SAMD11: variants seen among roughly 807,000 people sequenced by gnomAD.
The protein encoded by SAMD11 is sterile alpha motif domain-containing protein 11.
A neutral mutation model predicts 64.4 loss-of-function variants in SAMD11; 77 were observed. The ratio of observed to expected loss-of-function variants is 1.20; its 90% CI spans 0.99 to 1.44. The LOEUF is 1.44. SAMD11 is among the 40% of genes most tolerant of loss of function. SAMD11 has a pLI of 0.00. For missense variants in SAMD11, 1,402 were observed against 943.3 expected (o/e 1.49, Z -6.37); for synonymous variants, 658 against 421.9 (o/e 1.56, Z -6.86).
intron 9 of SAMD11, 31 bp downstream of exon 9, chr1:942,282 C>G: frequency 9.6e-7 from 1 of 1,047,038 alleles, no homozygotes; most frequent in Non-Finnish European, 1.3e-6. Context: ...CCCCTGGGAG[C>G]CCGCGTGGAG....
At chr1:931,005 G>A (rs1641141559) in intron 3 of SAMD11, 34 bp from the exon 4 acceptor site, 1 of 1,608,612 alleles carries the variant, frequency 6.2e-7, no homozygotes, top group Non-Finnish European at 8.5e-7. Flanking sequence ...GGGGCCTCCA[G>A]AGCAACATGG....
At chr1:940,022 T>G (rs1207724366) in intron 7 of SAMD11, among the ~76,000 whole-genome samples, 1 of 152,020 alleles carries the variant, frequency 6.6e-6, no homozygotes, top group Non-Finnish European at 1.5e-5. Flanking sequence ...GCACTCAGCC[T>G]CCCAGGCCCC....
chr1:938,247 C>T (rs1331051172), intron 5 of SAMD11, among the ~76,000 whole-genome samples: 46 of 150,992 alleles, frequency 3.0e-4, no homozygotes, highest in Admixed American at 3.0e-3. Context: ...CTCCCCTCTG[C>T]CACCTGCTGG....
intron 13 of SAMD11, 48 bp from the exon 14 acceptor site, chr1:943,860 A>G (rs1641982557): frequency 1.2e-6 from 2 of 1,612,820 alleles, no homozygotes; most frequent in African/African-American, 2.7e-5. Context: ...CTGGGCAGAA[A>G]GCTCTGGGTG....
In SAMD11 at chr1:924,174, T is replaced by A. The variant is rs1640780918; in HGVS notation, c.-258T>A. The A allele has an allele frequency of 6.7e-6, 1 of 149,358 alleles. No individual in the cohort carries two copies. Among genetic ancestry groups the A allele is most frequent in the Admixed American group, 6.6e-5 (1 of 15,072 alleles). 9.3% of individuals were successfully genotyped at this position (149,358 alleles called of 1,614,324 possible). Reference sequence around the variant, plus strand: ...CCGGGGAGCCCCGAGGCCCTGGAACTGCGGCGCTCGGCGAGTCGATCCGGG... The same window carrying A: ...CCGGGGAGCCCCGAGGCCCTGGAACAGCGGCGCTCGGCGAGTCGATCCGGG... On this transcript the variant is annotated 5_prime_UTR_variant, in exon 1 of 14. Transcript: ENST00000616016.
chr1:928,672 C>T (rs1641024817), intron 2 of SAMD11, among the ~76,000 whole-genome samples: 1 of 152,254 alleles, frequency 6.6e-6, no homozygotes, highest in Non-Finnish European at 1.5e-5. Context: ...CAGGCCCCAC[C>T]CCTTGCCCAG....
In SAMD11 at chr1:944,297, G is replaced by C; in HGVS notation, c.*144G>C. 1 of 1,399,238 alleles carries C rather than the reference G, an allele frequency of 7.1e-7. No homozygotes were observed. 86.7% of individuals were successfully genotyped at this position (1,399,238 alleles called of 1,614,324 possible). On this transcript the variant is annotated 3_prime_UTR_variant, in exon 14 of 14. Coordinates refer to ENST00000616016, the MANE Select transcript of SAMD11 (RefSeq NM_001385641.1). ...AAGAAAATGTGACTTCAAAGGAAAGGAACAAATTTTCAAAGACTTGGGGGA... is the reference window on the plus strand; with the variant it reads ...AAGAAAATGTGACTTCAAAGGAAAGCAACAAATTTTCAAAGACTTGGGGGA...
rs2100360212 is a variant in SAMD11 at position 942,790 on chromosome 1, C to A, written c.1785C>A (p.Pro595=). ...CCCGGGACTCTGCCCGGCGAGCCCC[C>A]CGGAAGGGGGGTCCCGGCCCTGCCT... The part of the protein sequence containing the change: ...TPSRDSARRA[P]RKGGPGPASA... The change falls in exon 11 of 14, where the codon CCC becomes CCA. Residue 595 remains proline (P), a synonymous_variant. Transcript: ENST00000616016. 1 of 1,542,056 alleles carries A rather than the reference C, an allele frequency of 6.5e-7. No homozygotes were observed. Among genetic ancestry groups the A allele is most frequent in the Non-Finnish European group, 8.7e-7 (1 of 1,144,404 alleles).
At chr1:927,938 C>T (rs1158997629) in intron 2 of SAMD11, among the ~76,000 whole-genome samples, 1 of 152,272 alleles carries the variant, frequency 6.6e-6, no homozygotes, top group Non-Finnish European at 1.5e-5. Context: ...CCACGCCCGA[C>T]TCTGCGCATC....
chr1:943,972 C>A lies in SAMD11; in HGVS notation c.2354C>A (p.Pro785Gln). The A allele has an allele frequency of 6.2e-7, 1 of 1,612,808 alleles. No homozygotes were observed. The change falls in exon 14 of 14, where the codon CCA becomes CAA. Residue 785 changes from proline (P) to glutamine (Q), a missense_variant. By Grantham distance (76) the Pro-to-Gln change is moderately conservative. Coordinates refer to ENST00000616016, the MANE Select transcript of SAMD11 (RefSeq NM_001385641.1). ...TTCCCCGTGGCTCTGCCACTGCAGC[C>A]ACCAACCCTGCGGGCCCCGGAGCGA... ...ASFPVALPLQ[P>Q]PTLRAPEREL...
At chr1:943,857 G>A (rs1364096991) in intron 13 of SAMD11, 49 bp downstream of exon 13, 2 of 1,613,044 alleles carry the variant, frequency 1.2e-6, no homozygotes, top group East Asian at 2.2e-5. Context: ...CAGCTGGGCA[G>A]AAAGCTCTGG....
At chr1:935,217 C>T (rs1217569151) in intron 4 of SAMD11, among the ~76,000 whole-genome samples, 1 of 152,154 alleles carries the variant, frequency 6.6e-6, no homozygotes, top group African/African-American at 2.4e-5. Flanking sequence ...GAGGTTGGAG[C>T]ACGCAGCCCT....
At position 943,926 on chromosome 1, in the gene SAMD11, C is replaced by T. The variant is rs1372398647; in HGVS notation, c.2308C>T (p.Arg770Ter). 1.2e-6 allele frequency: 2 copies of T among 1,612,564 alleles called. No homozygotes were observed. The highest frequency in any genetic ancestry group is 1.1e-5 in the South Asian group (1 of 91,078). ...IRAQVARRLG[R>*]VFYVASFPVA... ...TCTGCAGGTGGCCAGGCGCCTGGGC[C>T]GAGTTTTCTACGTGGCCAGCTTCCC... The change falls in exon 14 of 14, where the codon CGA becomes TGA. Residue 770 changes from arginine (R) to a stop codon, truncating the protein, a stop_gained. Coordinates refer to ENST00000616016, the MANE Select transcript of SAMD11 (RefSeq NM_001385641.1). LOFTEE classifies it low-confidence loss of function (END_TRUNC).
Position 943,815 on chromosome 1 carries a change from C to G in SAMD11, c.2289+7C>G. 1 of 1,612,858 alleles carries G rather than the reference C, an allele frequency of 6.2e-7. No individual in the cohort carries two copies. The highest frequency in any genetic ancestry group is 8.5e-7 in the Non-Finnish European group (1 of 1,179,960). ...CCTCAAGATCCGGGCCCAGGTGAGA[C>G]GCTGGGGAGTGAGGTCAGGGTCTCC... is the stretch of plus-strand genomic sequence containing the variant. On this transcript the variant is annotated splice_region_variant and intron_variant, in intron 13 of 13. Coordinates refer to ENST00000616016, the MANE Select transcript of SAMD11 (RefSeq NM_001385641.1).
chr1:935,623 G>A (rs1641391249), intron 4 of SAMD11, 149 bp from the exon 5 acceptor site: 10 of 1,074,134 alleles, frequency 9.3e-6, no homozygotes, highest in Admixed American at 2.0e-5. Flanking sequence ...GTGGCGTCAC[G>A]GGCCACATGC....
rs779709136 is a variant in SAMD11, at chr1:943,355, C to T, written c.2156C>T (p.Ser719Phe). 7.6e-6 allele frequency: 12 copies of T among 1,587,504 alleles called. No individual in the cohort carries two copies. In the South Asian group the frequency reaches 1.4e-4, roughly 18 times the overall value. The part of the protein sequence containing the change: ...DDVCSFVGGL[S>F]GCGEYTRVFR... Reference sequence around the variant, plus strand: ...GTCTGCAGCTTCGTGGGGGGCCTGTCTGGCTGTGGAGAGTACACTCGGGTA... The same window carrying T: ...GTCTGCAGCTTCGTGGGGGGCCTGTTTGGCTGTGGAGAGTACACTCGGGTA... Residue 719 changes from serine (S) to phenylalanine (F), a missense_variant, in exon 12 of 14, where the codon TCT (serine) becomes TTT (phenylalanine). Ser to Phe is a radical substitution (Grantham distance 155). Coordinates refer to ENST00000616016, the MANE Select transcript of SAMD11 (RefSeq NM_001385641.1).
intron 7 of SAMD11, chr1:940,357 C>T (rs1641687922): frequency 1.3e-5 from 2 of 151,266 alleles, no homozygotes; most frequent in South Asian, 4.2e-4. Context: ...AACCCGGCCG[C>T]TAGCGCGGGG....
chr1:925,834 G>C, intron 1 of SAMD11, 88 bp from the exon 2 acceptor site: 2 of 944,408 alleles, frequency 2.1e-6, no homozygotes, highest in Non-Finnish European at 3.4e-6. Context: ...TTTCGTCCAC[G>C]AGCCGGGGAG....
intron 7 of SAMD11, among the ~76,000 whole-genome samples, chr1:939,710 T>A (rs1319583596): frequency 6.6e-6 from 1 of 152,020 alleles, no homozygotes; most frequent in Admixed American, 6.5e-5. Context: ...GGGTGGGCAG[T>A]GGGCATGTCA....
Sources: gnomAD v4.1 joint callset for allele counts (sites outside exome capture counted in the v4.1 genomes callset) on GRCh38, gnomAD v4.1.1 for gene constraint, MANE v1.5 for transcripts, NCBI Gene and HGNC (gene_info 2026-07-23, HGNC 2026-07-21) for gene names.